Variants in ZFR2 observed in about 807,000 individuals in gnomAD.
ZFR2 encodes the protein zinc finger RNA binding protein 2.
Under a neutral mutation model 105.7 loss-of-function variants are expected in ZFR2, and 104 were observed. The observed-to-expected ratio is 0.98, with a 90% confidence interval of 0.84 to 1.16. ZFR2 has a LOEUF of 1.16. ZFR2 is among the 50% of genes most tolerant of loss of function. The pLI is 0.00. For synonymous variants in ZFR2, 634 were observed against 597.7 expected (o/e 1.06, Z -0.89); for missense variants, 1,425 against 1,355.5 (o/e 1.05, Z -0.80).
At chr19:3,860,358 C>T (rs2038359281) in intron 1 of ZFR2, among the ~76,000 whole-genome samples, 1 of 152,040 alleles carries the variant, frequency 6.6e-6, no homozygotes, top group African/African-American at 2.4e-5. Context: ...TTTATCACCC[C>T]AGGCTCACTT....
intron 1 of ZFR2, among the ~76,000 whole-genome samples, chr19:3,864,528 CAA>C (rs2038408681): frequency 6.6e-6 from 1 of 152,224 alleles, no homozygotes; most frequent in East Asian, 1.9e-4. Context: ...GGAACTGTGA[CAA>C]ACTGCTAAAC....
At chr19:3,855,339 C>G (rs1017753559) in intron 1 of ZFR2, 8 of 1,229,498 alleles carry the variant, frequency 6.5e-6, no homozygotes, top group East Asian at 3.2e-5. Context: ...TCTGAGGCAC[C>G]ATTTTAAAGA....
In ZFR2 at chr19:3,834,857, G is replaced by T. The variant is rs1395424537; in HGVS notation, c.180C>A (p.Tyr60Ter). The T allele has an allele frequency of 6.2e-7, 1 of 1,611,908 alleles. No individual in the cohort carries two copies. Among genetic ancestry groups the T allele is most frequent in the Non-Finnish European group, 8.5e-7 (1 of 1,179,224 alleles). ...CGAAGTCCTGGCCGGAGTGGGGCTG[G>T]TATCCACCGTACCCTGCCGGGGCAG... The part of the protein sequence containing the change: ...PPAAPAGYGG[Y>*]QPHSGQDFAY... The change falls in exon 2 of 19, where the codon TAC (tyrosine) becomes TAA (stop). Residue 60 changes from tyrosine to a stop codon, truncating the protein, a stop_gained. Transcript: ENST00000262961. LOFTEE classifies it high-confidence loss of function. The surrounding 1 kb of genome is among the most constrained non-coding windows in gnomAD (Gnocchi z 5.3).
intron 12 of ZFR2, among the ~76,000 whole-genome samples, chr19:3,817,512 TTG>T (rs2037837865): frequency 6.6e-6 from 1 of 150,458 alleles, no homozygotes; most frequent in Admixed American, 6.7e-5. Context: ...TGAGCCGAGA[TTG>T]TGTCACTGAA....
Position 3,806,082 on chromosome 19 carries a change from A to G in ZFR2, c.2687T>C (p.Leu896Pro), listed in dbSNP as rs754461153. 2.6e-6 allele frequency: 4 copies of G among 1,514,242 alleles called. No homozygotes were observed. Among genetic ancestry groups the G allele is most frequent in the Non-Finnish European group, 3.5e-6 (4 of 1,131,242 alleles). The allele number at this position is 1,514,242 out of a possible 1,614,324, so 93.8% of individuals were successfully genotyped here. ...TCTGGGCGGCAGGAGATCCATGCCC[A>G]GGACCTTGTGGGTCTGCCGGAAGGC... The part of the protein sequence containing the change: ...MLAFRQTHKV[L>P]GMDLLPPRHR... The change falls in exon 19 of 19, where the codon CTG becomes CCG. Residue 896 changes from leucine (L) to proline (P), a missense_variant. Transcript: ENST00000262961.
chr19:3,851,155 G>C (rs931608586), intron 1 of ZFR2, among the ~76,000 whole-genome samples: 2 of 152,150 alleles, frequency 1.3e-5, no homozygotes, highest in East Asian at 1.9e-4. Flanking sequence ...CGGTTAGAGA[G>C]GGGAGCAGTT....
At chr19:3,812,772 CACTT>C (rs1340849974) in intron 14 of ZFR2, among the ~76,000 whole-genome samples, 3 of 152,018 alleles carry the variant, frequency 2.0e-5, no homozygotes, top group African/African-American at 7.3e-5. Flanking sequence ...CAAAACAAAA[CACTT>C]AAGCTTTAAA....
In ZFR2 at chr19:3,861,121, C is replaced by T. The variant is rs1428494121; in HGVS notation, c.53+7844G>A. 2.6e-5 allele frequency among the ~76,000 whole-genome samples: 4 copies of T among 152,104 alleles called. No homozygotes were observed. The East Asian group carries it at 5.8e-4, about 22-fold the overall frequency. ...ACTGGCCTTCCCAGATCCACAATGCCGCGGAAGCAGAGCCATGCCGCCTCT... is the reference window on the plus strand; with the variant it reads ...ACTGGCCTTCCCAGATCCACAATGCTGCGGAAGCAGAGCCATGCCGCCTCT... On this transcript the variant is annotated intron_variant, in intron 1 of 18. Transcript: ENST00000262961.
Position 3,825,293 on chromosome 19 carries a change from C to T in ZFR2, c.1150G>A (p.Val384Met), listed in dbSNP as rs371712225. 2.7e-5 allele frequency: 43 copies of T among 1,578,808 alleles called. No homozygotes were observed. Among genetic ancestry groups the T allele is most frequent in the Non-Finnish European group, 3.3e-5 (38 of 1,168,612 alleles). Residue 384 changes from valine (V) to methionine (M), a missense_variant, in exon 7 of 19, where the codon GTG becomes ATG. By Grantham distance (21) the Val-to-Met change is conservative. Coordinates refer to ENST00000262961, the MANE Select transcript of ZFR2 (RefSeq NM_015174.2). ...AGCGCTGGCCTGCTCGAGGCACACA[C>T]GCTGGGGCCAGTGGGGGACGTGGGC... is the stretch of plus-strand genomic sequence containing the variant. ...AKPTSPTGPS[V>M]CASSRPALAK... is the part of the protein sequence containing the mutation.
chr19:3,857,695 C>CAA (rs11367233), intron 1 of ZFR2, among the ~76,000 whole-genome samples: 97 of 104,352 alleles, frequency 9.3e-4, no homozygotes, highest in Admixed American at 1.6e-3. Flanking sequence ...GACCCTGTCT[C>CAA]AAAAAAAAAA....
chr19:3,840,737 G>T (rs1395428666), intron 1 of ZFR2, among the ~76,000 whole-genome samples: 2 of 151,962 alleles, frequency 1.3e-5, no homozygotes, highest in South Asian at 4.2e-4. Context: ...TTGCTATGTT[G>T]CCCAGGATGA....
rs750322225 is a variant in ZFR2, at chr19:3,822,005, G to T, written c.1491+76C>A. ...CGGATCACACGCGCGGAAGAGGCCC[G>T]ACCACAGGCCTCCCAGCGCCCGCCG... On this transcript the variant is annotated intron_variant, in intron 9 of 18. Transcript: ENST00000262961. 16 of 1,511,080 alleles carry T rather than the reference G, an allele frequency of 1.1e-5. 1 individual carries two copies. The Admixed American group carries it at 2.7e-4, about 25-fold the overall frequency. 93.6% of individuals were successfully genotyped at this position (1,511,080 alleles called of 1,614,324 possible).
At chr19:3,810,181 C>G (rs560438151) in intron 16 of ZFR2, among the ~76,000 whole-genome samples, 1 of 152,026 alleles carries the variant, frequency 6.6e-6, no homozygotes, top group African/African-American at 2.4e-5. Context: ...GGGGGGAGGC[C>G]GGGTGTGGAT....
At chr19:3,821,209 C>G in intron 10 of ZFR2, 131 bp downstream of exon 10, 2 of 1,294,698 alleles carry the variant, frequency 1.5e-6, no homozygotes, top group Non-Finnish European at 2.0e-6. Context: ...ACTGCCCGGG[C>G]ACCCGTCTCC....
chr19:3,827,748 G>C (rs541369964), intron 5 of ZFR2, 95 bp from the exon 6 acceptor site: 1 of 1,420,894 alleles, frequency 7.0e-7, no homozygotes, highest in Non-Finnish European at 9.5e-7. Context: ...GAGGGAACTC[G>C]GTGGTAACAG....
intron 1 of ZFR2, among the ~76,000 whole-genome samples, chr19:3,856,382 A>T (rs2038301819): frequency 6.6e-6 from 1 of 152,154 alleles, no homozygotes. Context: ...ACTGGGTGTC[A>T]TCGATAGTTA....
Position 3,813,814 on chromosome 19 carries a change from C to A in ZFR2, c.2242+6G>T. ...ACAGTGGTTGGAAGGAAGGGCTGGGCCGCACCTGGGTCTGTGGAGGGGTCC... is the reference window on the plus strand; with the variant it reads ...ACAGTGGTTGGAAGGAAGGGCTGGGACGCACCTGGGTCTGTGGAGGGGTCC... On this transcript the variant is annotated splice_donor_region_variant and intron_variant, in intron 14 of 18. Coordinates refer to ENST00000262961, the MANE Select transcript of ZFR2 (RefSeq NM_015174.2). This position sits in a 1 kb window ranked among gnomAD's most constrained non-coding sequence, Gnocchi z 4.4. 6.2e-7 allele frequency: 1 copy of A among 1,613,444 alleles called. No individual in the cohort carries two copies. The highest frequency in any genetic ancestry group is 8.5e-7 in the Non-Finnish European group (1 of 1,179,726).
At chr19:3,827,105 G>A (rs552504193) in intron 6 of ZFR2, among the ~76,000 whole-genome samples, 10 of 152,090 alleles carry the variant, frequency 6.6e-5, no homozygotes, top group African/African-American at 9.7e-5. Context: ...AGCCGGGTGC[G>A]GTGGCGGATG....
rs577231984 is a variant in ZFR2, at chr19:3,814,501, G to A, written c.2104-543C>T. Among the ~76,000 whole-genome samples, 52 of 152,248 alleles carry A rather than the reference G, an allele frequency of 3.4e-4. 1 individual carries two copies. The South Asian group carries it at 6.6e-3, about 19-fold the overall frequency. On this transcript the variant is annotated intron_variant, in intron 13 of 18. Coordinates refer to ENST00000262961, the MANE Select transcript of ZFR2 (RefSeq NM_015174.2). ...CTGAGCCTGGCCTCCCACCTGAAAC[G>A]CACCTCTCTCCCCATCCTCCATCCC...
Sources: allele counts gnomAD v4.1 joint callset (sites outside exome capture counted in the v4.1 genomes callset), GRCh38; gene constraint gnomAD v4.1.1; non-coding constraint Gnocchi (gnomAD v3.1); transcripts MANE v1.5; gene names NCBI Gene and HGNC (gene_info 2026-07-23, HGNC 2026-07-21).